Variants in BACH2 observed in about 807,000 individuals in gnomAD.
The protein encoded by BACH2 is BACH transcriptional regulator 2, also known as transcription regulator protein BACH2.
BACH2 carries 5 observed loss-of-function variants against 61.8 expected under a neutral mutation model. That is an observed-to-expected ratio of 0.08 (90% CI 0.04 to 0.17). The LOEUF (loss-of-function observed/expected upper bound fraction) is 0.17. BACH2 is among the 10% of genes least tolerant of loss of function. The pLI is 1.00. For missense variants in BACH2, 824 were observed against 1,091.1 expected, an observed-to-expected ratio of 0.76 and a Z score of 3.45; for synonymous variants, 446 against 440.1, an observed-to-expected ratio of 1.01 and a Z score of -0.17.
chr6:90,103,029 A>ATATATATATTTTTTTTTTTTT, intron 4 of BACH2, among the ~76,000 whole-genome samples: 5 of 21,164 alleles, frequency 2.4e-4, no homozygotes, highest in African/African-American at 7.2e-4. Context: ...ATATATATAT[A>ATATATATATTTTTTTTTTTTT]TTTTTTTTTT....
chr6:89,937,796 G>T (rs1476282661), intron 8 of BACH2, among the ~76,000 whole-genome samples: 1 of 152,322 alleles, frequency 6.6e-6, no homozygotes, highest in East Asian at 1.9e-4. Flanking sequence ...CTTTCAAAGT[G>T]CTAGGATTAC....
intron 3 of BACH2, among the ~76,000 whole-genome samples, chr6:90,218,669 T>G (rs1769628460): frequency 6.6e-6 from 1 of 152,090 alleles, no homozygotes; most frequent in Non-Finnish European, 1.5e-5. Context: ...GCCCTTTCTC[T>G]GGCTCGAATT....
chr6:90,014,451 TA>T, intron 5 of BACH2, among the ~76,000 whole-genome samples: 1 of 79,564 alleles, frequency 1.3e-5, no homozygotes, highest in African/African-American at 7.2e-5. Context: ...TATATATATA[TA>T]TATATATATA....
chr6:90,107,897 T>C (rs1420542718), intron 4 of BACH2, among the ~76,000 whole-genome samples: 1 of 152,186 alleles, frequency 6.6e-6, no homozygotes, highest in East Asian at 1.9e-4. Context: ...GGGTGAAAAC[T>C]AACTCAGTAA....
At chr6:89,994,324 A>C (rs985195072) in intron 6 of BACH2, among the ~76,000 whole-genome samples, 1 of 152,224 alleles carries the variant, frequency 6.6e-6, no homozygotes, top group Admixed American at 6.5e-5. Context: ...TTCCACTGAA[A>C]ATGACACTAG....
intron 5 of BACH2, among the ~76,000 whole-genome samples, chr6:90,056,452 C>G (rs1195654872): frequency 3.9e-5 from 6 of 151,994 alleles, no homozygotes; most frequent in South Asian, 2.1e-4. Flanking sequence ...CCCAATACAG[C>G]AGCACCCAGA....
chr6:89,945,546 G>A (rs1163705293), intron 7 of BACH2, among the ~76,000 whole-genome samples: 1 of 152,158 alleles, frequency 6.6e-6, no homozygotes, highest in African/African-American at 2.4e-5. Context: ...TGGGGCTGAG[G>A]GGAGTGGGCA....
chr6:90,155,495 G>A (rs559758508), intron 4 of BACH2, among the ~76,000 whole-genome samples: 1 of 152,286 alleles, frequency 6.6e-6, no homozygotes, highest in African/African-American at 2.4e-5. Context: ...TTAGCAATCA[G>A]GTTTCGCCTT....
chr6:90,180,035 C>T (rs1264222279), intron 4 of BACH2, among the ~76,000 whole-genome samples: 1 of 152,090 alleles, frequency 6.6e-6, no homozygotes, highest in East Asian at 1.9e-4. Flanking sequence ...GAGATTTCAA[C>T]ACAGTTTTCT....
intron 6 of BACH2, among the ~76,000 whole-genome samples, chr6:89,986,164 T>C (rs76537714): frequency 0.014 from 2,118 of 150,572 alleles, 57 homozygotes; most frequent in African/African-American, 0.049. Flanking sequence ...GCCTGGGCCA[T>C]GGATGGGGGA....
intron 4 of BACH2, among the ~76,000 whole-genome samples, chr6:90,205,835 A>C (rs1417189986): frequency 6.6e-6 from 1 of 151,986 alleles, no homozygotes; most frequent in Non-Finnish European, 1.5e-5. Flanking sequence ...TCTGGTACAC[A>C]CCTTGCTAGA....
intron 4 of BACH2, among the ~76,000 whole-genome samples, chr6:90,134,565 G>C (rs982431634): frequency 2.0e-5 from 3 of 152,134 alleles, no homozygotes; most frequent in Non-Finnish European, 4.4e-5. Flanking sequence ...GGGGCCTATG[G>C]GCAAGTTTCA....
intron 6 of BACH2, among the ~76,000 whole-genome samples, chr6:89,962,792 C>T (rs761054204): frequency 4.6e-5 from 7 of 152,196 alleles, no homozygotes; most frequent in Non-Finnish European, 1.0e-4. Context: ...GGAAAAGCTT[C>T]ATGTCATTGG....
Position 89,938,367 on chromosome 6 carries a change from CA to C in BACH2, c.1837-18del. 6.3e-7 allele frequency: 1 copy of C among 1,598,444 alleles called. No individual in the cohort carries two copies. On this transcript the variant is annotated intron_variant, in intron 7 of 8. Coordinates refer to ENST00000257749, the MANE Select transcript of BACH2 (RefSeq NM_021813.4). ...AAGTTTTACCTGAAACCAAGAATAA[CA>C]GAAAATGATTATGGCAGCTGGATTT...
At chr6:90,109,816 G>A (rs1324558861) in intron 4 of BACH2, among the ~76,000 whole-genome samples, 2 of 152,106 alleles carry the variant, frequency 1.3e-5, no homozygotes, top group East Asian at 1.9e-4. Context: ...GTTTAGACAT[G>A]TTGGTCTGAG....
chr6:89,966,973 T>A (rs573537807), intron 6 of BACH2, among the ~76,000 whole-genome samples: 1 of 152,336 alleles, frequency 6.6e-6, no homozygotes, highest in East Asian at 1.9e-4. Context: ...AGTGCTAGGA[T>A]TATAGGCCGG....
At position 90,173,396 on chromosome 6, in the gene BACH2, A is replaced by G. The variant is rs548023915; in HGVS notation, c.-162+33173T>C. On this transcript the variant is annotated intron_variant, in intron 4 of 8. Transcript: ENST00000257749. ...TATCCACAATAGTTGAAAAAACTGG[A>G]AATGACCCAAATATCCATCAACTTG... 2.6e-5 allele frequency among the ~76,000 whole-genome samples: 4 copies of G among 152,276 alleles called. No individual in the cohort carries two copies. In the South Asian group the frequency reaches 8.3e-4, roughly 32 times the overall value.
rs565677294 is a variant in BACH2, at chr6:90,052,908, T to C, written c.-13+36053A>G. 1.1e-4 allele frequency among the ~76,000 whole-genome samples: 17 copies of C among 152,346 alleles called. No individual in the cohort carries two copies. In the South Asian group the frequency reaches 3.3e-3, roughly 30 times the overall value. On this transcript the variant is annotated intron_variant, in intron 5 of 8. Coordinates refer to ENST00000257749, the MANE Select transcript of BACH2 (RefSeq NM_021813.4). ...AGAAAGTTTAGGCAATTTACATATA[T>C]TGTGATTGCTGATATATCTGCATTT...
chr6:89,953,030 C>T (rs1391437922), intron 6 of BACH2: 1 of 152,250 alleles, frequency 6.6e-6, no homozygotes, highest in Non-Finnish European at 1.5e-5. Context: ...AAGCAGCAAT[C>T]ATGGGGTCCT....
Sources: allele counts gnomAD v4.1 joint callset (sites outside exome capture counted in the v4.1 genomes callset), GRCh38; gene constraint gnomAD v4.1.1; transcripts MANE v1.5; gene names NCBI Gene and HGNC (gene_info 2026-07-23, HGNC 2026-07-21).